Variants in DES observed in about 807,000 individuals in gnomAD.
DES encodes desmin, also known as cardiomyopathy, dilated 1F (autosomal dominant).
In DES, 34 loss-of-function variants were observed where a neutral mutation model predicts 55.1. The ratio of observed to expected loss-of-function variants is 0.62; its 90% CI spans 0.47 to 0.82. The LOEUF (loss-of-function observed/expected upper bound fraction) is 0.82, where lower values mean the gene tolerates loss of function less well. Among genes scored for constraint, DES ranks in the 40% least tolerant of loss-of-function variants. The probability of loss-of-function intolerance (pLI) is 0.00; values close to 1 mark genes in which losing one functional copy is unlikely to be tolerated. For synonymous variants in DES, 259 were observed against 270.8 expected (o/e 0.96, Z 0.43); for missense variants, 596 against 645.9 (o/e 0.92, Z 0.84).
chr2:219,422,093 C>T (rs1284354348), intron 6 of DES, among the ~76,000 whole-genome samples: 1 of 152,148 alleles, frequency 6.6e-6, no homozygotes, highest in Non-Finnish European at 1.5e-5. Flanking sequence ...CCCTTATCCA[C>T]CTTCAGAATT....
chr2:219,426,279 G>A lies in DES; in HGVS notation c.*289G>A. 1.7e-6 allele frequency: 1 copy of A among 573,038 alleles called. No individual in the cohort carries two copies. The highest frequency in any genetic ancestry group is 1.9e-5 in the South Asian group (1 of 51,566). The allele number at this position is 573,038 out of a possible 1,614,324, so 35.5% of individuals were successfully genotyped here. On this transcript the variant is annotated 3_prime_UTR_variant, in exon 9 of 9. Transcript: ENST00000373960. This position sits in a 1 kb window ranked among gnomAD's most constrained non-coding sequence, Gnocchi z 4.5. ...TGGATGGAGCCCAGGCGGGAGCGGT[G>A]GCCCTGTCCCTCCCACCTCTGTGAC...
rs1954533246 is a variant in DES, at chr2:219,426,150, G to A, written c.*160G>A. On this transcript the variant is annotated 3_prime_UTR_variant, in exon 9 of 9. Coordinates refer to ENST00000373960, the MANE Select transcript of DES (RefSeq NM_001927.4). The surrounding 1 kb of genome is among the most constrained non-coding windows in gnomAD (Gnocchi z 4.5). ...GCCATCCCTCGTGGTCCCCAACAGC[G>A]ACATAGCCCATCCCTGCCTGGTCAC... 1.6e-5 allele frequency: 13 copies of A among 833,074 alleles called. No homozygotes were observed. Among genetic ancestry groups the A allele is most frequent in the South Asian group, 1.0e-4 (7 of 69,182 alleles). The allele number at this position is 833,074 out of a possible 1,614,324, so 51.6% of individuals were successfully genotyped here.
At position 219,420,581 on chromosome 2, in the gene DES, C is replaced by T. The variant is rs763599850; in HGVS notation, c.822C>T (p.Leu274=). The change falls in exon 4 of 9, where the codon CTC becomes CTT. Residue 274 remains leucine, a synonymous_variant. Coordinates refer to ENST00000373960, the MANE Select transcript of DES (RefSeq NM_001927.4). The surrounding 1 kb of genome is among the most constrained non-coding windows in gnomAD (Gnocchi z 6.0). Reference sequence around the variant, plus strand: ...CTAAGCCAGACCTCACTGCCGCCCTCAGGGACATCCGGGCTCAGTATGAGA... The same window carrying T: ...CTAAGCCAGACCTCACTGCCGCCCTTAGGGACATCCGGGCTCAGTATGAGA... ...DMSKPDLTAA[L]RDIRAQYETI... 2.5e-6 allele frequency: 4 copies of T among 1,613,894 alleles called. No homozygotes were observed. Among genetic ancestry groups the T allele is most frequent in the African/African-American group, 2.7e-5 (2 of 74,870 alleles).
rs1423808205 is a variant in DES, at chr2:219,419,195, C to T, written c.578+155C>T. Among the ~76,000 whole-genome samples the T allele has an allele frequency of 4.6e-5, 7 of 152,216 alleles. No individual in the cohort carries two copies. The highest frequency in any genetic ancestry group is 2.0e-4 in the Admixed American group (3 of 15,290). Reference sequence around the variant, plus strand: ...GAAAGGGTCCTCCACCTGTGTGTTTCAAGGGGCCGTGACCTCCAGGTCTCT... The same window carrying T: ...GAAAGGGTCCTCCACCTGTGTGTTTTAAGGGGCCGTGACCTCCAGGTCTCT... On this transcript the variant is annotated intron_variant, in intron 1 of 8. Coordinates refer to ENST00000373960, the MANE Select transcript of DES (RefSeq NM_001927.4). The surrounding 1 kb of genome is among the most constrained non-coding windows in gnomAD (Gnocchi z 4.3).
At chr2:219,424,476 C>A (rs755285743) in intron 7 of DES, among the ~76,000 whole-genome samples, 6 of 152,188 alleles carry the variant, frequency 3.9e-5, no homozygotes, top group African/African-American at 1.4e-4. Flanking sequence ...TAGATCAAAC[C>A]TTTTCTATCT....
In DES at chr2:219,419,048, C is replaced by T; in HGVS notation, c.578+8C>T. On this transcript the variant is annotated splice_region_variant and intron_variant, in intron 1 of 8. Coordinates refer to ENST00000373960, the MANE Select transcript of DES (RefSeq NM_001927.4). This position sits in a 1 kb window ranked among gnomAD's most constrained non-coding sequence, Gnocchi z 4.3. ...GCAGCGGCTCAAGGCCAAGTGAGGG[C>T]CCGGCACCCCAGACTCCTCTTTCTG... 6.5e-7 allele frequency: 1 copy of T among 1,537,914 alleles called. No homozygotes were observed.
rs537881554 is a variant in DES at position 219,418,571 on chromosome 2, C to G, written c.109C>G (p.Arg37Gly). The G allele has an allele frequency of 5.6e-6, 9 of 1,603,656 alleles. No homozygotes were observed. Among genetic ancestry groups the G allele is most frequent in the Non-Finnish European group, 7.7e-6 (9 of 1,175,792 alleles). Reference sequence around the variant, plus strand: ...CCCGCTGAGTTCGCCCGTGTTCCCGCGGGCGGGTTTCGGCTCTAAGGGCTC... The same window carrying G: ...CCCGCTGAGTTCGCCCGTGTTCCCGGGGGCGGGTTTCGGCTCTAAGGGCTC... ...GSPLSSPVFP[R>G]AGFGSKGSSS... The change falls in exon 1 of 9, where the codon CGG becomes GGG. Residue 37 changes from arginine (R) to glycine (G), a missense_variant. Physicochemically the swap from Arg to Gly is moderately radical, Grantham distance 125. Transcript: ENST00000373960.
At chr2:219,424,903 T>A (rs569255694) in intron 7 of DES, among the ~76,000 whole-genome samples, 1 of 151,882 alleles carries the variant, frequency 6.6e-6, no homozygotes, top group South Asian at 2.1e-4. Context: ...TCATCTGAAT[T>A]TTTTTTTTCT....
chr2:219,422,208 G>A (rs767273246), intron 6 of DES, among the ~76,000 whole-genome samples: 6 of 152,130 alleles, frequency 3.9e-5, no homozygotes, highest in Non-Finnish European at 7.4e-5. Context: ...GGAGGGAAAC[G>A]GAGGGAGCAG....
chr2:219,418,619 G>A lies in DES; in HGVS notation c.157G>A (p.Val53Met), dbSNP rs1393972560. The A allele has an allele frequency of 2.5e-6, 4 of 1,602,214 alleles. No individual in the cohort carries two copies. Among genetic ancestry groups the A allele is most frequent in the Admixed American group, 1.7e-5 (1 of 58,878 alleles). ...CTCCTCCAGCTCGGTGACGTCCCGC[G>A]TGTACCAGGTGTCGCGCACGTCGGG... ...KGSSSSVTSRVYQVSRTSGGA... is the reference protein window; with the variant it reads ...KGSSSSVTSRMYQVSRTSGGA... The change falls in exon 1 of 9, where the codon GTG (valine) becomes ATG (methionine). Residue 53 changes from valine to methionine, a missense_variant. Physicochemically the swap from Val to Met is conservative, Grantham distance 21. Coordinates refer to ENST00000373960, the MANE Select transcript of DES (RefSeq NM_001927.4).
chr2:219,420,842 C>A lies in DES; in HGVS notation c.912C>A (p.Thr304=), dbSNP rs778826152. The A allele has an allele frequency of 6.2e-7, 1 of 1,613,668 alleles. No individual in the cohort carries two copies. Among genetic ancestry groups the A allele is most frequent in the Non-Finnish European group, 8.5e-7 (1 of 1,179,990 alleles). The change falls in exon 5 of 9, where the codon ACC becomes ACA. Residue 304 remains threonine, a synonymous_variant. Transcript: ENST00000373960. The surrounding 1 kb of genome is among the most constrained non-coding windows in gnomAD (Gnocchi z 6.0). ...TCTGCCCTTAGGTGTCAGACCTGAC[C>A]CAGGCAGCCAACAAGAACAACGACG... The part of the protein sequence containing the change: ...EWYKSKVSDL[T]QAANKNNDAL...
At chr2:219,423,916 T>C (rs1425665982) in intron 7 of DES, 96 bp downstream of exon 7, 4 of 1,369,558 alleles carry the variant, frequency 2.9e-6, no homozygotes, top group Non-Finnish European at 4.2e-6. Flanking sequence ...GATGGGACCC[T>C]GGGGCTAGGG....
Position 219,420,852 on chromosome 2 carries a change from A to C in DES, c.922A>C (p.Asn308His), listed in dbSNP as rs1386517123. The C allele has an allele frequency of 6.2e-7, 1 of 1,613,794 alleles. No homozygotes were observed. ...GGTGTCAGACCTGACCCAGGCAGCC[A>C]ACAAGAACAACGACGCCCTGCGCCA... is the stretch of plus-strand genomic sequence containing the variant. ...SKVSDLTQAA[N>H]KNNDALRQAK... The change falls in exon 5 of 9, where the codon AAC becomes CAC. Residue 308 changes from asparagine (N) to histidine (H), a missense_variant. Transcript: ENST00000373960. This position sits in a 1 kb window ranked among gnomAD's most constrained non-coding sequence, Gnocchi z 6.0.
At position 219,418,829 on chromosome 2, in the gene DES, A is replaced by G. The variant is rs376048590; in HGVS notation, c.367A>G (p.Ile123Val). 7.6e-6 allele frequency: 12 copies of G among 1,582,138 alleles called. No individual in the cohort carries two copies. Among genetic ancestry groups the G allele is most frequent in the Non-Finnish European group, 9.5e-6 (11 of 1,163,860 alleles). ...QELNDRFANY[I>V]EKVRFLEQQN... ...GCTCAATGACCGCTTCGCCAACTAC[A>G]TCGAGAAGGTGCGCTTCCTGGAGCA... The change falls in exon 1 of 9, where the codon ATC becomes GTC. Residue 123 changes from isoleucine (I) to valine (V), a missense_variant. Coordinates refer to ENST00000373960, the MANE Select transcript of DES (RefSeq NM_001927.4).
At chr2:219,422,294 C>T (rs1025997273) in intron 6 of DES, among the ~76,000 whole-genome samples, 3 of 151,868 alleles carry the variant, frequency 2.0e-5, no homozygotes, top group African/African-American at 4.8e-5. Flanking sequence ...GAGATGCATA[C>T]AGAAGGCATG....
In DES at chr2:219,421,496, G is replaced by A. The variant is rs776786349; in HGVS notation, c.1180G>A (p.Val394Met). Reference sequence around the variant, plus strand: ...GCGCGAGTACCAGGACCTGCTCAACGTGAAGATGGCCCTGGATGTGGAGAT... The same window carrying A: ...GCGCGAGTACCAGGACCTGCTCAACATGAAGATGGCCCTGGATGTGGAGAT... ...HLREYQDLLN[V>M]KMALDVEIAT... Residue 394 changes from valine to methionine, a missense_variant, in exon 6 of 9, where the codon GTG becomes ATG. Physicochemically the swap from Val to Met is conservative, Grantham distance 21. Coordinates refer to ENST00000373960, the MANE Select transcript of DES (RefSeq NM_001927.4). The A allele has an allele frequency of 8.4e-5, 135 of 1,613,962 alleles. 4 individuals carry two copies. The South Asian group carries it at 1.3e-3, about 16-fold the overall frequency.
rs144908941 is a variant in DES, at chr2:219,420,254, G to A, written c.643G>A (p.Val215Met). ...CTTCTCGCTTGGCCTCTCCCAGGACGTGGATGCAGCTACTCTAGCTCGCAT... is the reference window on the plus strand; with the variant it reads ...CTTCTCGCTTGGCCTCTCCCAGGACATGGATGCAGCTACTCTAGCTCGCAT... ...ENNLAAFRAD[V>M]DAATLARIDL... Residue 215 changes from valine to methionine, a missense_variant, in exon 3 of 9, where the codon GTG (valine) becomes ATG (methionine). Physicochemically the swap from Val to Met is conservative, Grantham distance 21. Transcript: ENST00000373960. The surrounding 1 kb of genome is among the most constrained non-coding windows in gnomAD (Gnocchi z 6.0). 3.0e-5 allele frequency: 49 copies of A among 1,614,082 alleles called. No individual in the cohort carries two copies. In the African/African-American group the frequency reaches 5.1e-4, roughly 17 times the overall value.
Position 219,421,403 on chromosome 2 carries a change from T to C in DES, c.1087T>C (p.Tyr363His). 1 of 1,614,074 alleles carries C rather than the reference T, an allele frequency of 6.2e-7. No individual in the cohort carries two copies. Among genetic ancestry groups the C allele is most frequent in the South Asian group, 1.1e-5 (1 of 91,080 alleles). The change falls in exon 6 of 9, where the codon TAC becomes CAC. Residue 363 changes from tyrosine to histidine, a missense_variant. Coordinates refer to ENST00000373960, the MANE Select transcript of DES (RefSeq NM_001927.4). ...CCGATTTGCCAGTGAGGCCAGTGGC[T>C]ACCAGGACAACATTGCGCGCCTGGA... ...EDRFASEASGYQDNIARLEEE... is the reference protein window; with the variant it reads ...EDRFASEASGHQDNIARLEEE...
chr2:219,423,780 C>G lies in DES; in HGVS notation c.1248C>G (p.Ile416Met). 2 of 1,613,850 alleles carry G rather than the reference C, an allele frequency of 1.2e-6. No individual in the cohort carries two copies. Among genetic ancestry groups the G allele is most frequent in the Non-Finnish European group, 1.7e-6 (2 of 1,179,830 alleles). Reference protein sequence around the residue: ...RKLLEGEESRINLPIQTYSAL... With the variant: ...RKLLEGEESRMNLPIQTYSAL... ...GGTTTTGTCTCTTCCCTTTTAGGAT[C>G]AATCTCCCCATCCAGACCTACTCTG... Residue 416 changes from isoleucine to methionine, a missense_variant, in exon 7 of 9, where the codon ATC (isoleucine) becomes ATG (methionine). Coordinates refer to ENST00000373960, the MANE Select transcript of DES (RefSeq NM_001927.4).
Sources: gnomAD v4.1 joint callset for allele counts (sites outside exome capture counted in the v4.1 genomes callset) on GRCh38, gnomAD v4.1.1 for gene constraint, Gnocchi (gnomAD v3.1) non-coding constraint, MANE v1.5 for transcripts, NCBI Gene and HGNC (gene_info 2026-07-23, HGNC 2026-07-21) for gene names.